The following FSTL4 variants were observed in gnomAD, a reference collection of about 807,000 sequenced individuals.
FSTL4 encodes follistatin-related protein 4.
Under a neutral mutation model 78.2 loss-of-function variants are expected in FSTL4, and 28 were observed. That is an observed-to-expected ratio of 0.36 (90% CI 0.27 to 0.49). The LOEUF is 0.49. FSTL4 is among the 20% of genes least tolerant of loss of function. The pLI, the probability that FSTL4 is intolerant of heterozygous loss-of-function variation, is 0.98. For missense variants in FSTL4, 922 were observed against 1,084.9 expected, an observed-to-expected ratio of 0.85 and a Z score of 2.11; for synonymous variants, 422 against 440.5, an observed-to-expected ratio of 0.96 and a Z score of 0.53.
chr5:133,549,556 C>T (rs1406580127), intron 3 of FSTL4, among the ~76,000 whole-genome samples: 1 of 152,102 alleles, frequency 6.6e-6, no homozygotes, highest in Non-Finnish European at 1.5e-5. Context: ...TTTCTGCTGG[C>T]TCTTCTTTTG....
At chr5:133,822,920 A>T in the FSTL4 span, among the ~76,000 whole-genome samples, 1 of 152,144 alleles carries the variant, frequency 6.6e-6, no homozygotes, top group South Asian at 2.1e-4. Flanking sequence ...ATCCATAGAG[A>T]TCTTACCTAA....
chr5:133,462,299 G>A (rs927499269), intron 3 of FSTL4, among the ~76,000 whole-genome samples: 3 of 152,252 alleles, frequency 2.0e-5, no homozygotes, highest in East Asian at 3.8e-4. Context: ...CAGGGCCTGG[G>A]AGCTTGGTCC....
chr5:133,701,810 C>T, the FSTL4 span, among the ~76,000 whole-genome samples: 6 of 152,120 alleles, frequency 3.9e-5, no homozygotes, highest in Admixed American at 1.3e-4. Flanking sequence ...GTGTGTGCCC[C>T]GTGCAAATGC....
the FSTL4 span, among the ~76,000 whole-genome samples, chr5:133,764,904 G>A: frequency 4.8e-4 from 73 of 152,216 alleles, no homozygotes; most frequent in African/African-American, 1.7e-3. Context: ...TAACTGCCCT[G>A]TGGGATTTGG....
intron 3 of FSTL4, among the ~76,000 whole-genome samples, chr5:133,470,245 A>C (rs958934124): frequency 6.6e-6 from 1 of 152,216 alleles, no homozygotes; most frequent in African/African-American, 2.4e-5. Context: ...ACCACAGATG[A>C]GCTGAAAACA....
chr5:133,217,814 A>G (rs1750963825), intron 12 of FSTL4, among the ~76,000 whole-genome samples: 1 of 151,926 alleles, frequency 6.6e-6, no homozygotes, highest in Non-Finnish European at 1.5e-5. Context: ...CACTTATTAC[A>G]TTAAACCTGT....
the FSTL4 span, among the ~76,000 whole-genome samples, chr5:133,690,875 C>G: frequency 5.9e-5 from 9 of 152,310 alleles, no homozygotes; most frequent in Admixed American, 4.6e-4. Flanking sequence ...CATGGGATGA[C>G]TCAGAAAGAA....
intron 2 of FSTL4, among the ~76,000 whole-genome samples, chr5:133,579,967 A>G (rs26362): frequency 0.79 from 120,088 of 152,072 alleles, 47,463 homozygotes; most frequent in Admixed American, 0.83. Context: ...GCCGGCTGGG[A>G]GCAGGACTGG....
Position 133,611,759 on chromosome 5 carries a change from G to A in FSTL4, c.-11+566C>T, listed in dbSNP as rs886664580. Among the ~76,000 whole-genome samples the A allele has an allele frequency of 2.0e-5, 3 of 152,196 alleles. No individual in the cohort carries two copies. Among genetic ancestry groups the A allele is most frequent in the African/African-American group, 7.2e-5 (3 of 41,472 alleles). On this transcript the variant is annotated intron_variant, in intron 1 of 15. Transcript: ENST00000265342. The surrounding 1 kb of genome is among the most constrained non-coding windows in gnomAD (Gnocchi z 4.9). ...GCGGACCCCGGGGAAGCCAGGGCCA[G>A]GCGAAGCGCAGCGGGCCCTTTGGGC...
chr5:133,313,184 C>T (rs992167351), intron 5 of FSTL4, among the ~76,000 whole-genome samples: 4 of 152,188 alleles, frequency 2.6e-5, no homozygotes, highest in African/African-American at 9.6e-5. Context: ...AGTGTGGGGA[C>T]AGAGGTCTGC....
the FSTL4 span, among the ~76,000 whole-genome samples, chr5:133,681,173 C>T: frequency 6.6e-6 from 1 of 152,252 alleles, no homozygotes; most frequent in Non-Finnish European, 1.5e-5. Flanking sequence ...GCTTGGCCTC[C>T]TGCTTCGTTT....
At chr5:133,529,867 GTT>G (rs747054667) in intron 3 of FSTL4, among the ~76,000 whole-genome samples, 2 of 144,010 alleles carry the variant, frequency 1.4e-5, no homozygotes. Context: ...AATGTTTCGG[GTT>G]TTTTTTTTTT....
In FSTL4 at chr5:133,201,948, A is replaced by G. The variant is rs1171708881; in HGVS notation, c.1811T>C (p.Ile604Thr). The G allele has an allele frequency of 6.2e-7, 1 of 1,602,430 alleles. No homozygotes were observed. Among genetic ancestry groups the G allele is most frequent in the Non-Finnish European group, 8.5e-7 (1 of 1,171,732 alleles). ...DDFFIPPTNL[I>T]INHIRFGFIF... is the part of the protein sequence containing the mutation. ...CCAGTCTCACCTGATGTGGTTGATG[A>G]TGAGGTTTGTTGGGGGAATGAAGAA... Residue 604 changes from isoleucine (I) to threonine (T), a missense_variant, in exon 15 of 16, where the codon ATC becomes ACC. Physicochemically the swap from Ile to Thr is moderately conservative, Grantham distance 89 (BLOSUM62 -1). Coordinates refer to ENST00000265342, the MANE Select transcript of FSTL4 (RefSeq NM_015082.2).
At chr5:133,397,300 GA>G (rs1373110469) in intron 4 of FSTL4, among the ~76,000 whole-genome samples, 1 of 152,128 alleles carries the variant, frequency 6.6e-6, no homozygotes, top group East Asian at 1.9e-4. Context: ...TGGTGCTGAG[GA>G]AAAATGTGAC....
intron 3 of FSTL4, among the ~76,000 whole-genome samples, chr5:133,409,592 C>G (rs1048821984): frequency 1.3e-5 from 2 of 152,198 alleles, no homozygotes; most frequent in Non-Finnish European, 2.9e-5. Flanking sequence ...AGGGCCCCAG[C>G]AGCGCCTTCA....
At chr5:133,581,415 C>T (rs256259) in intron 2 of FSTL4, among the ~76,000 whole-genome samples, 31,582 of 152,148 alleles carry the variant, frequency 0.21, 3,459 homozygotes, top group Middle Eastern at 0.31. Context: ...ATAAGATTGT[C>T]GTGAGAAAGG....
the FSTL4 span, among the ~76,000 whole-genome samples, chr5:133,695,335 A>G: frequency 6.6e-6 from 1 of 152,146 alleles, no homozygotes; most frequent in South Asian, 2.1e-4. Flanking sequence ...GGTCCCAGAC[A>G]CCCAGCACAA....
chr5:133,516,249 A>G (rs2112892989), intron 3 of FSTL4, among the ~76,000 whole-genome samples: 1 of 152,336 alleles, frequency 6.6e-6, no homozygotes, highest in South Asian at 2.1e-4. Context: ...ATAATAGTCA[A>G]AAAACATTGA....
intron 4 of FSTL4, among the ~76,000 whole-genome samples, chr5:133,344,769 T>C (rs1754661445): frequency 1.3e-5 from 2 of 152,232 alleles, no homozygotes; most frequent in South Asian, 4.1e-4. Context: ...AAGACTTGCT[T>C]TTCAGAACCT....
Sources: allele counts gnomAD v4.1 joint callset (sites outside exome capture counted in the v4.1 genomes callset), GRCh38; gene constraint gnomAD v4.1.1; non-coding constraint Gnocchi (gnomAD v3.1); transcripts MANE v1.5; gene names NCBI Gene and HGNC (gene_info 2026-07-23, HGNC 2026-07-21).